The following SLC28A1 variants were observed in gnomAD, a reference collection of about 807,000 sequenced individuals.
The protein encoded by SLC28A1 is solute carrier family 28 member 1, also known as sodium/nucleoside cotransporter 1.
Under a neutral mutation model 74.8 loss-of-function variants are expected in SLC28A1, and 64 were observed. The observed-to-expected ratio is 0.86, with a 90% CI of 0.70 to 1.05. The LOEUF (loss-of-function observed/expected upper bound fraction) is 1.05, where lower values mean the gene tolerates loss of function less well. Ranked by LOEUF, SLC28A1 falls within the 50% of genes least tolerant of loss-of-function variation. The pLI is 0.00. For synonymous variants in SLC28A1, 359 were observed against 335.0 expected, an observed-to-expected ratio of 1.07 and a Z score of -0.78; for missense variants, 828 against 822.8, an observed-to-expected ratio of 1.01 and a Z score of -0.08.
intron 18 of SLC28A1, 71 bp downstream of exon 18, chr15:84,944,938 A>G: frequency 8.2e-7 from 1 of 1,219,646 alleles, no homozygotes; most frequent in Non-Finnish European, 1.2e-6. Context: ...GCTGGGGGGG[A>G]TGCCTTTGGT....
chr15:84,972,696 C>G, the SLC28A1 span, among the ~76,000 whole-genome samples: 1 of 152,190 alleles, frequency 6.6e-6, no homozygotes. Flanking sequence ...TACTAAGACT[C>G]CTTTGGACTT....
intron 11 of SLC28A1, 72 bp from the exon 12 acceptor site, chr15:84,923,913 T>C: frequency 1.2e-6 from 2 of 1,605,066 alleles, no homozygotes; most frequent in East Asian, 2.2e-5. Flanking sequence ...AGCTGCTCAC[T>C]GTGACCTGTG....
At chr15:84,895,887 A>T in intron 6 of SLC28A1, 1 of 1,027,536 alleles carries the variant, frequency 9.7e-7, no homozygotes, top group Non-Finnish European at 1.2e-6. Flanking sequence ...ATGCAGGGGT[A>T]CAGGGGTGCC....
At chr15:84,901,082 C>G (rs559995453) in intron 6 of SLC28A1, among the ~76,000 whole-genome samples, 1 of 152,010 alleles carries the variant, frequency 6.6e-6, no homozygotes, top group African/African-American at 2.4e-5. Flanking sequence ...ATTAGCTGGG[C>G]GTAGTGGCGC....
At chr15:84,920,123 A>G (rs764602652) in intron 10 of SLC28A1, among the ~76,000 whole-genome samples, 1 of 152,306 alleles carries the variant, frequency 6.6e-6, no homozygotes, top group South Asian at 2.1e-4. Flanking sequence ...AGAGAATTCC[A>G]GGGAAGCAGA....
In SLC28A1 at chr15:84,888,843, G is replaced by T; in HGVS notation, c.168G>T (p.Pro56=). 4.5e-6 allele frequency: 7 copies of T among 1,552,468 alleles called. No individual in the cohort carries two copies. Among genetic ancestry groups the T allele is most frequent in the Non-Finnish European group, 6.1e-6 (7 of 1,147,374 alleles). ...GGAGCAGCTGGAGCGAGGCGGCGCC[G>T]AAGCCCTTCTCCAGATGGTAGGTGA... ...EIRSSWSEAA[P]KPFSRWRNLQ... Residue 56 remains proline, a synonymous_variant, in exon 4 of 19, where the codon CCG becomes CCT. Transcript: ENST00000394573.
chr15:84,890,315 T>C, intron 4 of SLC28A1, 128 bp from the exon 5 acceptor site: 4 of 719,102 alleles, frequency 5.6e-6, no homozygotes, highest in Non-Finnish European at 9.9e-6. Context: ...CCTGTGGGGA[T>C]GTCAAGGCAA....
chr15:84,940,277 C>T (rs540665631), intron 15 of SLC28A1, among the ~76,000 whole-genome samples: 3 of 152,258 alleles, frequency 2.0e-5, no homozygotes, highest in African/African-American at 7.2e-5. Flanking sequence ...CAATTTATAA[C>T]CCCCATACTG....
At chr15:84,890,589 C>A in intron 5 of SLC28A1, 55 bp downstream of exon 5, 2 of 1,383,694 alleles carry the variant, frequency 1.4e-6, no homozygotes, top group Non-Finnish European at 1.0e-6. Context: ...CTCAGCTATC[C>A]ATGTCTCAGG....
chr15:84,928,579 T>TC (rs1567172254), intron 12 of SLC28A1, among the ~76,000 whole-genome samples: 4 of 25,756 alleles, frequency 1.6e-4, no homozygotes, highest in South Asian at 2.3e-3. Flanking sequence ...TCTTTCTTTC[T>TC]TTCTTTCTTT....
downstream of SLC28A1, among the ~76,000 whole-genome samples, chr15:84,945,980 CT>C (rs1220924069): frequency 2.0e-5 from 3 of 148,386 alleles, no homozygotes; most frequent in African/African-American, 7.5e-5. Context: ...CCACCTCAGC[CT>C]CCTAAGTAGC....
Position 84,895,115 on chromosome 15 carries a change from G to A in SLC28A1, c.453G>A (p.Trp151Ter), listed in dbSNP as rs765736293. 5 of 1,613,904 alleles carry A rather than the reference G, an allele frequency of 3.1e-6. No individual in the cohort carries two copies. Among genetic ancestry groups the A allele is most frequent in the Non-Finnish European group, 4.2e-6 (5 of 1,179,916 alleles). ...AGGGCCATCCCCGCCTGCTGCTCTG[G>A]TTTAAGAGGTGAGTGAGCTCACAGC... ...KPQGHPRLLL[W>*]FKRGLALAAF... The change falls in exon 6 of 19, where the codon TGG becomes TGA. Residue 151 changes from tryptophan to a stop codon, truncating the protein, a stop_gained. Coordinates refer to ENST00000394573, the MANE Select transcript of SLC28A1 (RefSeq NM_004213.5). LOFTEE classifies it high-confidence loss of function.
the SLC28A1 span, among the ~76,000 whole-genome samples, chr15:84,959,728 C>G: frequency 6.6e-6 from 1 of 152,102 alleles, no homozygotes; most frequent in African/African-American, 2.4e-5. Context: ...TCCTGTGTCT[C>G]TGAGAATATT....
chr15:84,915,107 C>T (rs1002328155), intron 9 of SLC28A1, among the ~76,000 whole-genome samples: 2 of 152,178 alleles, frequency 1.3e-5, no homozygotes, highest in Non-Finnish European at 2.9e-5. Context: ...GTACGTGACT[C>T]TCTCTGCATC....
chr15:84,936,937 C>T (rs1484491423), intron 15 of SLC28A1, among the ~76,000 whole-genome samples: 2 of 151,962 alleles, frequency 1.3e-5, no homozygotes, highest in Non-Finnish European at 2.9e-5. Flanking sequence ...CCTGTAGTCC[C>T]AGCTACTTGG....
At chr15:84,917,970 G>A (rs1969346608) in intron 9 of SLC28A1, among the ~76,000 whole-genome samples, 1 of 152,146 alleles carries the variant, frequency 6.6e-6, no homozygotes, top group Non-Finnish European at 1.5e-5. Context: ...AGGAAATGGG[G>A]TGATGGGAGG....
chr15:84,930,220 G>T (rs1369642596), intron 12 of SLC28A1, among the ~76,000 whole-genome samples: 1 of 152,226 alleles, frequency 6.6e-6, no homozygotes, highest in Non-Finnish European at 1.5e-5. Flanking sequence ...GGTCCTGCCT[G>T]GTGGAGGGAA....
intron 5 of SLC28A1, among the ~76,000 whole-genome samples, chr15:84,893,110 G>A (rs796542559): frequency 3.4e-4 from 51 of 148,568 alleles, no homozygotes; most frequent in African/African-American, 1.3e-3. Flanking sequence ...ACAAAGCACA[G>A]GCCCTGAGGC....
chr15:84,916,146 G>T (rs1969059373), intron 9 of SLC28A1, among the ~76,000 whole-genome samples: 1 of 150,992 alleles, frequency 6.6e-6, no homozygotes, highest in African/African-American at 2.4e-5. Flanking sequence ...TCTATTTTTA[G>T]TAGAGATGGG....
Sources: gnomAD v4.1 joint callset for allele counts (sites outside exome capture counted in the v4.1 genomes callset) on GRCh38, gnomAD v4.1.1 for gene constraint, MANE v1.5 for transcripts, NCBI Gene and HGNC (gene_info 2026-07-23, HGNC 2026-07-21) for gene names.